The following EHBP1 variants were observed in gnomAD, a reference collection of about 807,000 sequenced individuals.
EHBP1 encodes EH domain binding protein 1.
In EHBP1, 55 loss-of-function variants were observed where a neutral mutation model predicts 144.0. The ratio of observed to expected loss-of-function variants is 0.38; its 90% CI spans 0.31 to 0.48. The LOEUF is 0.48. Ranked by LOEUF, EHBP1 falls within the 20% of genes least tolerant of loss-of-function variation. The probability of loss-of-function intolerance (pLI) is 0.98; values close to 1 mark genes in which losing one functional copy is unlikely to be tolerated. For synonymous variants in EHBP1, 469 were observed against 472.7 expected (o/e 0.99, Z 0.10); for missense variants, 1,200 against 1,364.2 (o/e 0.88, Z 1.90).
intron 7 of EHBP1, among the ~76,000 whole-genome samples, chr2:62,835,809 G>A (rs1195311475): frequency 6.6e-6 from 1 of 152,218 alleles, no homozygotes; most frequent in African/African-American, 2.4e-5. Context: ...CGCACCACGA[G>A]ACTATATCCC....
Position 62,826,116 on chromosome 2 carries a change from T to G in EHBP1, c.342T>G (p.Leu114=). ...CCCCTTCTGGTCGAAGGAAAGCTCT[T>G]GCTACTAGCAGCATCAATATGAAAC... is the stretch of plus-strand genomic sequence containing the variant. ...NESPSGRRKA[L]ATSSINMKQY... Residue 114 remains leucine (L), a synonymous_variant, in exon 6 of 23, where the codon CTT becomes CTG. Coordinates refer to ENST00000431489, the MANE Select transcript of EHBP1 (RefSeq NM_001142616.3). 6.6e-7 allele frequency: 1 copy of G among 1,514,354 alleles called. No individual in the cohort carries two copies. The highest frequency in any genetic ancestry group is 8.8e-7 in the Non-Finnish European group (1 of 1,131,986). The allele number at this position is 1,514,354 out of a possible 1,614,324, so 93.8% of individuals were successfully genotyped here. A position where few individuals can be genotyped will look rare whatever the true frequency, so the allele number is the denominator to read the frequency against.
At chr2:62,899,683 G>A (rs901669900) in intron 10 of EHBP1, among the ~76,000 whole-genome samples, 4 of 152,182 alleles carry the variant, frequency 2.6e-5, no homozygotes, top group African/African-American at 9.7e-5. Context: ...AACGATGATG[G>A]TGGTTCCTAA....
intron 9 of EHBP1, among the ~76,000 whole-genome samples, chr2:62,872,754 T>A (rs1045292817): frequency 3.9e-5 from 6 of 152,104 alleles, no homozygotes. Context: ...TAGTCCCAAT[T>A]CCCCCACTTC....
At chr2:62,872,772 C>A (rs1178428725) in intron 9 of EHBP1, among the ~76,000 whole-genome samples, 1 of 152,130 alleles carries the variant, frequency 6.6e-6, no homozygotes, top group East Asian at 1.9e-4. Flanking sequence ...TTCCTTCATT[C>A]TCTGGCTACA....
intron 2 of EHBP1, among the ~76,000 whole-genome samples, chr2:62,742,813 A>G (rs899189988): frequency 3.9e-5 from 6 of 152,134 alleles, no homozygotes; most frequent in African/African-American, 1.4e-4. Context: ...TTTCTCTGAA[A>G]TTTAAACAAA....
intron 2 of EHBP1, among the ~76,000 whole-genome samples, chr2:62,709,126 AG>A (rs2034878305): frequency 6.6e-5 from 10 of 152,194 alleles, no homozygotes; most frequent in Admixed American, 6.5e-4. Context: ...CAGCAATATT[AG>A]GGTAGCTGTT....
At chr2:62,898,376 G>T (rs1451407579) in intron 10 of EHBP1, among the ~76,000 whole-genome samples, 1 of 152,138 alleles carries the variant, frequency 6.6e-6, no homozygotes, top group African/African-American at 2.4e-5. Flanking sequence ...CTGAAAGACA[G>T]AGTTAACCAA....
intron 10 of EHBP1, among the ~76,000 whole-genome samples, chr2:62,903,470 A>T (rs1231888717): frequency 6.6e-6 from 1 of 152,232 alleles, no homozygotes; most frequent in Non-Finnish European, 1.5e-5. Context: ...AAACCTAAAC[A>T]TACTGAGTCA....
Position 62,826,106 on chromosome 2 carries a change from G to C in EHBP1, c.332G>C (p.Arg111Thr). 2 of 1,494,542 alleles carry C rather than the reference G, an allele frequency of 1.3e-6. No individual in the cohort carries two copies. The allele number at this position is 1,494,542 out of a possible 1,614,324, so 92.6% of individuals were successfully genotyped here. The stretch of plus-strand genomic sequence containing the variant: ...TTCCAGGAATCCCCTTCTGGTCGAA[G>C]GAAAGCTCTTGCTACTAGCAGCATC... ...VIENESPSGR[R>T]KALATSSINM... The change falls in exon 6 of 23, where the codon AGG (arginine) becomes ACG (threonine). Residue 111 changes from arginine to threonine, a missense_variant. Physicochemically the swap from Arg to Thr is moderately conservative, Grantham distance 71. Around this residue, in one of 6 missense-constraint regions of EHBP1, gnomAD observed 137 missense variants for 190.1 expected, o/e 0.72. Transcript: ENST00000431489.
chr2:62,675,673 G>A (rs748674940), intron 1 of EHBP1, among the ~76,000 whole-genome samples: 1 of 152,168 alleles, frequency 6.6e-6, no homozygotes, highest in Non-Finnish European at 1.5e-5. Context: ...GCAAAAAAAG[G>A]CCACATAGAA....
intron 7 of EHBP1, among the ~76,000 whole-genome samples, chr2:62,846,441 C>G (rs2048307511): frequency 6.6e-6 from 1 of 152,070 alleles, no homozygotes; most frequent in South Asian, 2.1e-4. Flanking sequence ...GAACATTTGA[C>G]AAAATTCAAT....
At chr2:62,776,618 A>G (rs542157248) in intron 5 of EHBP1, among the ~76,000 whole-genome samples, 75 of 152,324 alleles carry the variant, frequency 4.9e-4, no homozygotes, top group African/African-American at 1.7e-3. Flanking sequence ...GCAACTTGTA[A>G]CATCTCACTT....
rs139059834 is a variant in EHBP1 at position 62,740,683 on chromosome 2, G to A, written c.105-6712G>A. On this transcript the variant is annotated intron_variant, in intron 2 of 22. Transcript: ENST00000431489. ...TTGAGCTCTTTTTTTCTTATTTTAA[G>A]CATATCCTGGATTCTGTGGTGAGAC... Among the ~76,000 whole-genome samples, 296 of 152,098 alleles carry A rather than the reference G, an allele frequency of 1.9e-3. 1 individual carries two copies. The highest frequency in any genetic ancestry group is 6.7e-3 in the African/African-American group (280 of 41,484).
intron 10 of EHBP1, among the ~76,000 whole-genome samples, chr2:62,919,880 A>G (rs1244243068): frequency 1.3e-5 from 2 of 152,198 alleles, no homozygotes; most frequent in Non-Finnish European, 2.9e-5. Flanking sequence ...AAACAAAAAA[A>G]TATTCACTAG....
chr2:62,813,650 G>C (rs1040161602), intron 5 of EHBP1, among the ~76,000 whole-genome samples: 4 of 152,216 alleles, frequency 2.6e-5, no homozygotes, highest in African/African-American at 9.7e-5. Context: ...AGGGTTGCCT[G>C]AGGCCTATCC....
chr2:62,820,905 G>A (rs1352424543), intron 5 of EHBP1, among the ~76,000 whole-genome samples: 1 of 150,714 alleles, frequency 6.6e-6, no homozygotes, highest in African/African-American at 2.4e-5. Context: ...TTTGGGAGGG[G>A]ACATGCAGCT....
At chr2:62,860,164 G>C (rs1048495453) in intron 8 of EHBP1, among the ~76,000 whole-genome samples, 1 of 151,938 alleles carries the variant, frequency 6.6e-6, no homozygotes, top group African/African-American at 2.4e-5. Flanking sequence ...TTGTTTGAGG[G>C]CTATATATTA....
At chr2:62,771,102 A>G (rs1201233401) in intron 4 of EHBP1, among the ~76,000 whole-genome samples, 2 of 152,142 alleles carry the variant, frequency 1.3e-5, no homozygotes, top group Admixed American at 6.5e-5. Flanking sequence ...CTGTACAACA[A>G]ACTCCTGTGC....
At chr2:62,674,155 T>C (rs570669696) in intron 1 of EHBP1, 1 of 471,088 alleles carries the variant, frequency 2.1e-6, no homozygotes, top group East Asian at 6.9e-5. Context: ...TTTCTTTGGA[T>C]CTTACTAGCA....
Sources: gnomAD v4.1 joint callset for allele counts (sites outside exome capture counted in the v4.1 genomes callset) on GRCh38, gnomAD v4.1.1 for gene constraint, gnomAD v4.1.1 regional missense constraint, MANE v1.5 for transcripts, NCBI Gene and HGNC (gene_info 2026-07-23, HGNC 2026-07-21) for gene names.